PTPRD: variants seen among roughly 807,000 people sequenced by gnomAD.
PTPRD encodes protein tyrosine phosphatase receptor type D.
A neutral mutation model predicts 214.5 loss-of-function variants in PTPRD; 34 were observed. That is an observed-to-expected ratio of 0.16 (90% CI 0.12 to 0.21). PTPRD has a LOEUF of 0.21. Among genes scored for constraint, PTPRD ranks in the 10% least tolerant of loss-of-function variants. The pLI is 1.00. For missense variants in PTPRD, 2,545 were observed against 2,398.7 expected, an observed-to-expected ratio of 1.06 and a Z score of -1.27; for synonymous variants, 1,128 against 845.7, an observed-to-expected ratio of 1.33 and a Z score of -5.79.
intron 3 of PTPRD, among the ~76,000 whole-genome samples, chr9:10,297,640 T>G (rs957236008): frequency 2.0e-5 from 3 of 151,798 alleles, no homozygotes; most frequent in Non-Finnish European, 4.4e-5. Context: ...GATAAAATAA[T>G]GTGTGAATAC....
intron 9 of PTPRD, among the ~76,000 whole-genome samples, chr9:9,201,768 A>G (rs2099941977): frequency 6.6e-6 from 1 of 152,208 alleles, no homozygotes; most frequent in Non-Finnish European, 1.5e-5. Context: ...TAAACTGATT[A>G]TTTGGGATGA....
intron 11 of PTPRD, among the ~76,000 whole-genome samples, chr9:8,992,947 C>T (rs1386823902): frequency 6.6e-6 from 1 of 152,056 alleles, no homozygotes; most frequent in Non-Finnish European, 1.5e-5. Flanking sequence ...TTGCAATTTG[C>T]TTTCAAATTA....
intron 12 of PTPRD, among the ~76,000 whole-genome samples, chr9:8,699,542 T>A (rs906773561): frequency 1.3e-5 from 2 of 152,166 alleles, no homozygotes; most frequent in African/African-American, 4.8e-5. Flanking sequence ...TTGGACAAGT[T>A]TGAAAATAAT....
intron 2 of PTPRD, among the ~76,000 whole-genome samples, chr9:10,550,384 A>T (rs1192857399): frequency 6.6e-6 from 1 of 152,198 alleles, no homozygotes; most frequent in Non-Finnish European, 1.5e-5. Flanking sequence ...AGAGTCTGAC[A>T]TGATGATTTG....
At chr9:9,311,961 T>C (rs1472059332) in intron 9 of PTPRD, among the ~76,000 whole-genome samples, 1 of 152,232 alleles carries the variant, frequency 6.6e-6, no homozygotes, top group East Asian at 1.9e-4. Context: ...AGATCCATTA[T>C]AAATTATGCT....
intron 8 of PTPRD, among the ~76,000 whole-genome samples, chr9:9,428,284 T>G (rs1302594016): frequency 1.3e-5 from 2 of 151,892 alleles, no homozygotes; most frequent in Non-Finnish European, 2.9e-5. Flanking sequence ...AAAACAGATT[T>G]TAAACCAACA....
At chr9:10,228,530 C>T (rs2099596764) in intron 3 of PTPRD, among the ~76,000 whole-genome samples, 1 of 151,712 alleles carries the variant, frequency 6.6e-6, no homozygotes, top group Non-Finnish European at 1.5e-5. Context: ...AATGACTTTT[C>T]GAATATAAGA....
chr9:9,360,646 A>T (rs1206437282), intron 9 of PTPRD, among the ~76,000 whole-genome samples: 2 of 151,182 alleles, frequency 1.3e-5, no homozygotes, highest in Non-Finnish European at 3.0e-5. Flanking sequence ...ATAACAATCT[A>T]GTCATGGTAT....
At chr9:9,420,333 C>T (rs2078314410) in intron 8 of PTPRD, among the ~76,000 whole-genome samples, 2 of 151,748 alleles carry the variant, frequency 1.3e-5, no homozygotes, top group African/African-American at 4.8e-5. Context: ...AAATATAAAG[C>T]ATATTTCTTC....
At chr9:8,692,825 T>G (rs1019125840) in intron 12 of PTPRD, among the ~76,000 whole-genome samples, 2 of 152,306 alleles carry the variant, frequency 1.3e-5, no homozygotes, top group East Asian at 3.9e-4. Flanking sequence ...ACACAGTTTT[T>G]AACATGTGTC....
At chr9:8,527,455 A>G in intron 15 of PTPRD, 102 bp from the exon 16 acceptor site, 1 of 983,108 alleles carries the variant, frequency 1.0e-6, no homozygotes, top group East Asian at 2.5e-5. Context: ...TATATACTAA[A>G]TCATCTATGT....
At chr9:8,878,772 C>A (rs2098417184) in intron 11 of PTPRD, among the ~76,000 whole-genome samples, 1 of 152,172 alleles carries the variant, frequency 6.6e-6, no homozygotes, top group South Asian at 2.1e-4. Context: ...AAGCAATTCT[C>A]CCACCTTGGC....
intron 3 of PTPRD, among the ~76,000 whole-genome samples, chr9:10,149,060 A>G (rs115538817): frequency 6.6e-6 from 1 of 152,190 alleles, no homozygotes; most frequent in Non-Finnish European, 1.5e-5. Context: ...GAAGGACATG[A>G]GAATATATGA....
chr9:10,068,947 T>C (rs1052000674), intron 3 of PTPRD, among the ~76,000 whole-genome samples: 10 of 152,056 alleles, frequency 6.6e-5, no homozygotes, highest in African/African-American at 2.4e-4. Flanking sequence ...TTCAGACTTC[T>C]TTCAGGTTCA....
At chr9:8,779,678 T>A (rs541448359) in intron 11 of PTPRD, among the ~76,000 whole-genome samples, 129 of 152,264 alleles carry the variant, frequency 8.5e-4, no homozygotes, top group Admixed American at 8.4e-3. Context: ...TTCCTTTTAA[T>A]CAGCACGGTA....
chr9:8,887,540 T>C (rs925473466), intron 11 of PTPRD, among the ~76,000 whole-genome samples: 2 of 152,172 alleles, frequency 1.3e-5, no homozygotes, highest in African/African-American at 4.8e-5. Flanking sequence ...CCTGGTCTGT[T>C]GCAAACATCA....
At chr9:10,028,482 C>T (rs566808967) in intron 4 of PTPRD, among the ~76,000 whole-genome samples, 166 of 152,250 alleles carry the variant, frequency 1.1e-3, no homozygotes, top group Non-Finnish European at 1.3e-3. Context: ...AAGTTTGGAA[C>T]TCCCTAGAGA....
rs181612295 is a variant in PTPRD at position 9,268,346 on chromosome 9, G to A, written c.-202-84983C>T. On this transcript the variant is annotated intron_variant, in intron 9 of 45. Transcript: ENST00000381196. ...CTGTATAATGAAAATATAAGACATC[G>A]ATGAAAGAAATGGAAAAAACGCAAG... is the stretch of plus-strand genomic sequence containing the variant. Among the ~76,000 whole-genome samples the A allele has an allele frequency of 4.1e-3, 611 of 147,584 alleles. 11 individuals carry two copies. Among genetic ancestry groups the A allele is most frequent in the Admixed American group, 0.026 (393 of 14,914 alleles).
intron 8 of PTPRD, among the ~76,000 whole-genome samples, chr9:9,400,418 C>T (rs1472408599): frequency 8.2e-6 from 1 of 121,702 alleles, no homozygotes; most frequent in Non-Finnish European, 1.7e-5. Context: ...ATTGAAAACA[C>T]CAGATAATAG....
Sources: gnomAD v4.1 joint callset for allele counts (sites outside exome capture counted in the v4.1 genomes callset) on GRCh38, gnomAD v4.1.1 for gene constraint, MANE v1.5 for transcripts, NCBI Gene and HGNC (gene_info 2026-07-23, HGNC 2026-07-21) for gene names.